The following FAM168A variants were observed in gnomAD, a reference collection of about 807,000 sequenced individuals.
FAM168A encodes protein FAM168A.
Under a neutral mutation model 28.5 loss-of-function variants are expected in FAM168A, and 3 were observed. That is an observed-to-expected ratio of 0.11 (90% confidence interval 0.05 to 0.27). FAM168A has a LOEUF of 0.27. Ranked by LOEUF, FAM168A falls within the 10% of genes least tolerant of loss-of-function variation. The pLI is 1.00. For missense variants in FAM168A, 222 were observed against 311.5 expected, an observed-to-expected ratio of 0.71 and a Z score of 2.16; for synonymous variants, 122 against 124.2, an observed-to-expected ratio of 0.98 and a Z score of 0.12.
chr11:73,582,875 T>C (rs1462294509), intron 1 of FAM168A, among the ~76,000 whole-genome samples: 2 of 152,200 alleles, frequency 1.3e-5, no homozygotes, highest in East Asian at 3.8e-4. Context: ...TTGTGTCTAC[T>C]GTGTACACAG....
intron 2 of FAM168A, among the ~76,000 whole-genome samples, chr11:73,456,010 CT>C (rs1867525600): frequency 6.6e-6 from 1 of 152,332 alleles, no homozygotes; most frequent in African/African-American, 2.4e-5. Flanking sequence ...GCCAGGCAAA[CT>C]GTAAGGGAAT....
At chr11:73,581,424 T>C (rs564812168) in intron 1 of FAM168A, among the ~76,000 whole-genome samples, 15 of 152,360 alleles carry the variant, frequency 9.8e-5, no homozygotes, top group Admixed American at 5.9e-4. Flanking sequence ...TTCAAATGTA[T>C]TGAATTTCAA....
chr11:73,424,538 C>T (rs1386806978), intron 3 of FAM168A, among the ~76,000 whole-genome samples: 1 of 152,068 alleles, frequency 6.6e-6, no homozygotes, highest in East Asian at 1.9e-4. Flanking sequence ...GAGCCCAGAG[C>T]TCAAGTTCTG....
At chr11:73,576,693 T>C (rs1192771861) in intron 1 of FAM168A, among the ~76,000 whole-genome samples, 1 of 152,142 alleles carries the variant, frequency 6.6e-6, no homozygotes, top group Non-Finnish European at 1.5e-5. Flanking sequence ...ACTCACCAGT[T>C]TTCTCCACAT....
At chr11:73,542,622 A>G (rs1943672219) in intron 1 of FAM168A, among the ~76,000 whole-genome samples, 2 of 152,202 alleles carry the variant, frequency 1.3e-5, no homozygotes, top group East Asian at 3.8e-4. Flanking sequence ...GATCCTTTTA[A>G]ATAAAGTTTG....
chr11:73,466,455 G>GT (rs1226992862), intron 2 of FAM168A, among the ~76,000 whole-genome samples: 1 of 151,924 alleles, frequency 6.6e-6, no homozygotes, highest in East Asian at 1.9e-4. Flanking sequence ...AACTACCATA[G>GT]TTTTTTTATC....
chr11:73,563,906 T>G (rs991322338), intron 1 of FAM168A, among the ~76,000 whole-genome samples: 1 of 152,222 alleles, frequency 6.6e-6, no homozygotes, highest in Non-Finnish European at 1.5e-5. Flanking sequence ...CTGACTTAAT[T>G]AACTGAGGCC....
At chr11:73,433,071 CCCG>C (rs937716349) in intron 2 of FAM168A, among the ~76,000 whole-genome samples, 4 of 139,854 alleles carry the variant, frequency 2.9e-5, no homozygotes, top group Non-Finnish European at 4.5e-5. Flanking sequence ...GCCACCACGC[CCCG>C]CCTTTTTTTT....
At chr11:73,574,755 G>A (rs1212519112) in intron 1 of FAM168A, among the ~76,000 whole-genome samples, 1 of 140,308 alleles carries the variant, frequency 7.1e-6, no homozygotes, top group African/African-American at 2.7e-5. Flanking sequence ...GTAGAGAAAA[G>A]GTTTCACCAT....
At chr11:73,548,392 G>T (rs1013399879) in intron 1 of FAM168A, among the ~76,000 whole-genome samples, 4 of 152,020 alleles carry the variant, frequency 2.6e-5, no homozygotes, top group African/African-American at 4.8e-5. Flanking sequence ...ACTAAGGTGG[G>T]GACTATTATG....
chr11:73,478,421 T>A (rs1238347163), intron 1 of FAM168A, among the ~76,000 whole-genome samples: 2 of 152,152 alleles, frequency 1.3e-5, no homozygotes, highest in African/African-American at 4.8e-5. Context: ...GACAAATCTG[T>A]ACAGGCAAAC....
intron 1 of FAM168A, among the ~76,000 whole-genome samples, chr11:73,522,296 C>T (rs1010619308): frequency 3.3e-5 from 5 of 151,696 alleles, no homozygotes; most frequent in Admixed American, 1.3e-4. Flanking sequence ...ACTCAGGAAC[C>T]GGGGTCATCA....
At chr11:73,461,069 T>TA (rs1419119463) in intron 2 of FAM168A, among the ~76,000 whole-genome samples, 1 of 152,184 alleles carries the variant, frequency 6.6e-6, no homozygotes, top group Non-Finnish European at 1.5e-5. Context: ...TGCAGGGGCC[T>TA]AGCTGGGTAT....
chr11:73,592,389 A>G (rs920031988), intron 1 of FAM168A, among the ~76,000 whole-genome samples: 1 of 152,252 alleles, frequency 6.6e-6, no homozygotes, highest in African/African-American at 2.4e-5. Flanking sequence ...TGTTTTCAAT[A>G]CTAAAGATAT....
At chr11:73,589,511 G>GA (rs968347287) in intron 1 of FAM168A, among the ~76,000 whole-genome samples, 3 of 134,910 alleles carry the variant, frequency 2.2e-5, no homozygotes, top group Admixed American at 7.3e-5. Context: ...AAAAAAAAAA[G>GA]AAAAAAAAAG....
chr11:73,429,757 T>C (rs925500908), intron 3 of FAM168A, among the ~76,000 whole-genome samples: 3 of 152,202 alleles, frequency 2.0e-5, no homozygotes, highest in Admixed American at 2.0e-4. Flanking sequence ...ACTTAGCACA[T>C]TAGTACTGCA....
intron 1 of FAM168A, among the ~76,000 whole-genome samples, chr11:73,590,841 A>G (rs79073475): frequency 0.073 from 11,042 of 152,188 alleles, 1,197 homozygotes; most frequent in African/African-American, 0.23. Flanking sequence ...ACCTGTCTAA[A>G]TAGGTTGAAG....
intron 2 of FAM168A, among the ~76,000 whole-genome samples, chr11:73,432,768 A>T (rs1181235610): frequency 6.6e-6 from 1 of 152,092 alleles, no homozygotes; most frequent in African/African-American, 2.4e-5. Flanking sequence ...AACAAAAATT[A>T]GCTGAGTGTG....
At chr11:73,498,378 G>A (rs1312205125) in intron 1 of FAM168A, among the ~76,000 whole-genome samples, 2 of 152,198 alleles carry the variant, frequency 1.3e-5, no homozygotes. Context: ...GCCAGGGAGA[G>A]TGTGCTTTTT....
Sources: gnomAD v4.1 joint callset for allele counts (sites outside exome capture counted in the v4.1 genomes callset) on GRCh38, gnomAD v4.1.1 for gene constraint, MANE v1.5 for transcripts, NCBI Gene and HGNC (gene_info 2026-07-23, HGNC 2026-07-21) for gene names.